PABPC4L: variants seen among roughly 807,000 people sequenced by gnomAD.
The protein encoded by PABPC4L is polyadenylate-binding protein 4-like.
For missense variants in PABPC4L, 452 were observed against 451.4 expected, an observed-to-expected ratio of 1.00 and a Z score of -0.01; for synonymous variants, 169 against 164.1, an observed-to-expected ratio of 1.03 and a Z score of -0.23.
the PABPC4L span, among the ~76,000 whole-genome samples, chr4:134,061,538 G>A: frequency 6.6e-6 from 1 of 151,636 alleles, no homozygotes; most frequent in Non-Finnish European, 1.5e-5. Flanking sequence ...ATAAAGAGGG[G>A]AAATGTCCTG....
At chr4:134,014,515 C>T in the PABPC4L span, among the ~76,000 whole-genome samples, 1 of 152,172 alleles carries the variant, frequency 6.6e-6, no homozygotes, top group Non-Finnish European at 1.5e-5. Context: ...AGCTGTGTCC[C>T]ATCTGTGTGG....
chr4:134,194,603 A>G (rs1729604369), downstream of PABPC4L, among the ~76,000 whole-genome samples: 1 of 151,736 alleles, frequency 6.6e-6, no homozygotes, highest in South Asian at 2.1e-4. Flanking sequence ...GGCTACCTAT[A>G]CCTATAATAT....
chr4:134,034,130 C>A, the PABPC4L span, among the ~76,000 whole-genome samples: 1 of 151,812 alleles, frequency 6.6e-6, no homozygotes, highest in South Asian at 2.1e-4. Flanking sequence ...ATTTGAAAAT[C>A]CTAACACCCT....
chr4:134,170,794 G>A, the PABPC4L span, among the ~76,000 whole-genome samples: 3 of 152,070 alleles, frequency 2.0e-5, no homozygotes, highest in Non-Finnish European at 4.4e-5. Context: ...GACTTAGTGG[G>A]AACACAGATT....
chr4:134,192,032 G>T (rs1282028795), downstream of PABPC4L, among the ~76,000 whole-genome samples: 1 of 151,862 alleles, frequency 6.6e-6, no homozygotes, highest in African/African-American at 2.4e-5. Context: ...ATAACCGAGA[G>T]AACTGAACAC....
the PABPC4L span, among the ~76,000 whole-genome samples, chr4:134,015,762 T>C: frequency 6.6e-6 from 1 of 152,208 alleles, no homozygotes; most frequent in African/African-American, 2.4e-5. Context: ...GTAGCCTTTT[T>C]ATCCAAACAA....
At chr4:133,970,093 AT>A in the PABPC4L span, among the ~76,000 whole-genome samples, 1 of 147,584 alleles carries the variant, frequency 6.8e-6, no homozygotes, top group Non-Finnish European at 1.5e-5. Flanking sequence ...TATTTAAAAA[AT>A]ATATATTTAT....
the PABPC4L span, among the ~76,000 whole-genome samples, chr4:133,951,334 G>C: frequency 6.6e-6 from 1 of 152,134 alleles, no homozygotes; most frequent in Non-Finnish European, 1.5e-5. Flanking sequence ...GCAAGTATCT[G>C]TTGTTAAGAC....
At chr4:134,073,568 TC>T in the PABPC4L span, among the ~76,000 whole-genome samples, 28,457 of 152,110 alleles carry the variant, frequency 0.19, 3,289 homozygotes, top group Admixed American at 0.25. Flanking sequence ...TTCTCACAGC[TC>T]CACTAGGCAG....
the PABPC4L span, among the ~76,000 whole-genome samples, chr4:134,039,237 T>G: frequency 6.6e-6 from 1 of 152,188 alleles, no homozygotes; most frequent in Non-Finnish European, 1.5e-5. Flanking sequence ...AGTGTTTTAC[T>G]TCCATTTATG....
intron 1 of PABPC4L, among the ~76,000 whole-genome samples, 182 bp downstream of exon 1, chr4:134,201,536 G>A (rs1310392189): frequency 6.6e-6 from 1 of 152,056 alleles, no homozygotes; most frequent in Non-Finnish European, 1.5e-5. Context: ...AGGCGCCGCC[G>A]CCGCCGAGGC....
At chr4:134,060,072 T>G in the PABPC4L span, among the ~76,000 whole-genome samples, 4 of 152,052 alleles carry the variant, frequency 2.6e-5, no homozygotes, top group African/African-American at 9.7e-5. Context: ...TGCATTAAAC[T>G]CATGCTCCCC....
At chr4:134,078,177 C>A in the PABPC4L span, among the ~76,000 whole-genome samples, 1 of 152,174 alleles carries the variant, frequency 6.6e-6, no homozygotes, top group African/African-American at 2.4e-5. Flanking sequence ...TATCTCTATA[C>A]TATACCAAGC....
the PABPC4L span, among the ~76,000 whole-genome samples, chr4:134,094,006 C>T: frequency 6.6e-5 from 10 of 151,800 alleles, no homozygotes; most frequent in African/African-American, 1.9e-4. Flanking sequence ...TTCCTTTCAA[C>T]TTTCAATCAG....
At chr4:134,059,357 A>G in the PABPC4L span, among the ~76,000 whole-genome samples, 2 of 150,058 alleles carry the variant, frequency 1.3e-5, no homozygotes, top group African/African-American at 4.9e-5. Context: ...AATTAATTAG[A>G]GAAAAGCAGA....
At chr4:133,986,527 G>A in the PABPC4L span, among the ~76,000 whole-genome samples, 1 of 151,964 alleles carries the variant, frequency 6.6e-6, no homozygotes. Flanking sequence ...TGCTTTGATT[G>A]TCTACAATGT....
At chr4:134,187,464 G>A in the PABPC4L span, among the ~76,000 whole-genome samples, 2 of 146,376 alleles carry the variant, frequency 1.4e-5, no homozygotes, top group African/African-American at 5.0e-5. Flanking sequence ...AACACCACAT[G>A]TTCTCACTCA....
chr4:133,967,938 A>G, the PABPC4L span, among the ~76,000 whole-genome samples: 1 of 152,198 alleles, frequency 6.6e-6, no homozygotes, highest in Non-Finnish European at 1.5e-5. Flanking sequence ...ATGTCCCAAT[A>G]GAATACCCCC....
At chr4:134,084,729 A>C in the PABPC4L span, among the ~76,000 whole-genome samples, 1 of 152,072 alleles carries the variant, frequency 6.6e-6, no homozygotes, top group Non-Finnish European at 1.5e-5. Context: ...GAAGTAATAC[A>C]CTTTAATATC....
Sources: allele counts gnomAD v4.1 joint callset (sites outside exome capture counted in the v4.1 genomes callset), GRCh38; gene constraint gnomAD v4.1.1; transcripts MANE v1.5; gene names NCBI Gene and HGNC (gene_info 2026-07-23, HGNC 2026-07-21).